The following KDM4C variants were observed in gnomAD, a reference collection of about 807,000 sequenced individuals.
KDM4C encodes the protein lysine-specific demethylase 4C.
KDM4C carries 81 observed loss-of-function variants against 129.3 expected under a neutral mutation model. The observed-to-expected ratio is 0.63, with a 90% confidence interval of 0.52 to 0.75. The LOEUF (loss-of-function observed/expected upper bound fraction) is 0.75, where lower values mean the gene tolerates loss of function less well. Ranked by LOEUF, KDM4C falls within the 30% of genes least tolerant of loss-of-function variation. The pLI, the probability that KDM4C is intolerant of heterozygous loss-of-function variation, is 0.00. For synonymous variants in KDM4C, 573 were observed against 456.1 expected, an observed-to-expected ratio of 1.26 and a Z score of -3.26; for missense variants, 1,457 against 1,304.0, an observed-to-expected ratio of 1.12 and a Z score of -1.81.
intron 8 of KDM4C, among the ~76,000 whole-genome samples, chr9:6,918,327 C>T (rs1038218501): frequency 2.3e-4 from 35 of 152,188 alleles, no homozygotes. Context: ...CCACCTGCAT[C>T]TGTGTTGCTG....
At chr9:7,151,164 A>C (rs1365563682) in intron 19 of KDM4C, among the ~76,000 whole-genome samples, 1 of 152,170 alleles carries the variant, frequency 6.6e-6, no homozygotes, top group Non-Finnish European at 1.5e-5. Context: ...CAACAACCAC[A>C]AAAAACTAGA....
At chr9:7,087,524 CAT>C (rs1167157607) in intron 17 of KDM4C, among the ~76,000 whole-genome samples, 2 of 151,872 alleles carry the variant, frequency 1.3e-5, no homozygotes, top group African/African-American at 2.4e-5. Flanking sequence ...AGAGTCTTGT[CAT>C]AGGAAATTTT....
chr9:6,862,008 G>A (rs200308936), intron 5 of KDM4C, among the ~76,000 whole-genome samples: 1 of 152,244 alleles, frequency 6.6e-6, no homozygotes, highest in East Asian at 1.9e-4. Context: ...CTGACCTCAG[G>A]TGATTCACCT....
At chr9:6,977,236 C>A (rs1343039512) in intron 8 of KDM4C, among the ~76,000 whole-genome samples, 1 of 152,106 alleles carries the variant, frequency 6.6e-6, no homozygotes, top group Non-Finnish European at 1.5e-5. Context: ...TCTAATTGAT[C>A]TTCTACATTG....
At chr9:7,008,559 C>T (rs1482123276) in intron 12 of KDM4C, among the ~76,000 whole-genome samples, 1 of 152,174 alleles carries the variant, frequency 6.6e-6, no homozygotes, top group African/African-American at 2.4e-5. Context: ...ACCCTGGGTA[C>T]AGGTCTACCA....
intron 15 of KDM4C, among the ~76,000 whole-genome samples, chr9:7,029,716 G>A (rs889091817): frequency 6.6e-5 from 10 of 152,234 alleles, no homozygotes; most frequent in South Asian, 2.1e-4. Flanking sequence ...AGGACCTTTC[G>A]GGGACTGAGG....
intron 17 of KDM4C, among the ~76,000 whole-genome samples, chr9:7,080,951 C>A (rs1834454053): frequency 2.6e-5 from 4 of 152,170 alleles, no homozygotes. Context: ...AATAAACAGG[C>A]CCTTAGTGAT....
intron 6 of KDM4C, 86 bp downstream of exon 6, chr9:6,880,147 A>G (rs569553531): frequency 1.6e-5 from 12 of 753,838 alleles, no homozygotes; most frequent in African/African-American, 1.1e-4. Flanking sequence ...ACTTTTTACA[A>G]TATAGACCGT....
At chr9:6,997,600 G>A (rs1258654772) in intron 12 of KDM4C, among the ~76,000 whole-genome samples, 1 of 152,214 alleles carries the variant, frequency 6.6e-6, no homozygotes, top group African/African-American at 2.4e-5. Flanking sequence ...CAAAATCTTT[G>A]AACACCCACT....
chr9:7,038,693 AG>A (rs1828058816), intron 15 of KDM4C, among the ~76,000 whole-genome samples: 1 of 152,114 alleles, frequency 6.6e-6, no homozygotes, highest in South Asian at 2.1e-4. Flanking sequence ...ATAAGAAGTC[AG>A]CCTGCTGAGT....
At chr9:6,786,612 C>T (rs1825552125) in intron 1 of KDM4C, among the ~76,000 whole-genome samples, 1 of 152,108 alleles carries the variant, frequency 6.6e-6, no homozygotes. Flanking sequence ...GACTTGGAAA[C>T]ATTACTGGAA....
chr9:6,956,091 A>G (rs569518363), intron 8 of KDM4C, among the ~76,000 whole-genome samples: 1 of 152,248 alleles, frequency 6.6e-6, no homozygotes, highest in South Asian at 2.1e-4. Context: ...GATGGTTACC[A>G]GAGGCTGAGG....
At chr9:7,153,966 G>A (rs1842934389) in intron 19 of KDM4C, among the ~76,000 whole-genome samples, 1 of 152,276 alleles carries the variant, frequency 6.6e-6, no homozygotes, top group South Asian at 2.1e-4. Context: ...GCTGCTGTCT[G>A]AGAGAATTCT....
At chr9:6,966,083 A>G (rs754914548) in intron 8 of KDM4C, among the ~76,000 whole-genome samples, 2 of 152,240 alleles carry the variant, frequency 1.3e-5, no homozygotes. Context: ...TTGCATTTAG[A>G]TGGAAGTAAG....
intron 17 of KDM4C, among the ~76,000 whole-genome samples, chr9:7,079,953 C>T (rs1834345754): frequency 6.6e-6 from 1 of 152,074 alleles, no homozygotes; most frequent in African/African-American, 2.4e-5. Context: ...AAATGCATCA[C>T]TCCCAGGTAA....
intron 17 of KDM4C, among the ~76,000 whole-genome samples, chr9:7,071,697 T>C (rs1403190028): frequency 6.6e-6 from 1 of 152,188 alleles, no homozygotes; most frequent in African/African-American, 2.4e-5. Flanking sequence ...TCATGGGTTT[T>C]ACGTCACAAA....
chr9:6,810,733 T>C (rs1311214809), intron 3 of KDM4C, among the ~76,000 whole-genome samples: 1 of 151,950 alleles, frequency 6.6e-6, no homozygotes, highest in Non-Finnish European at 1.5e-5. Flanking sequence ...TAGCCATGCA[T>C]GGTGGCATGT....
chr9:6,759,890 G>C (rs1401985465), intron 1 of KDM4C, among the ~76,000 whole-genome samples: 1 of 149,480 alleles, frequency 6.7e-6, no homozygotes, highest in Non-Finnish European at 1.5e-5. Flanking sequence ...GCCGTGAGCC[G>C]AGATGGCACC....
At chr9:6,990,653 C>T (rs977572579) in intron 12 of KDM4C, 129 bp downstream of exon 12, 1 of 608,188 alleles carries the variant, frequency 1.6e-6, no homozygotes, top group Non-Finnish European at 2.9e-6. Flanking sequence ...GGAGATCATA[C>T]ATAATAAATA....
Sources: allele counts gnomAD v4.1 joint callset (sites outside exome capture counted in the v4.1 genomes callset), GRCh38; gene constraint gnomAD v4.1.1; transcripts MANE v1.5; gene names NCBI Gene and HGNC (gene_info 2026-07-23, HGNC 2026-07-21).